Variants in TTC28 observed in about 807,000 individuals in gnomAD.
TTC28 encodes tetratricopeptide repeat domain 28.
Under a neutral mutation model 198.0 loss-of-function variants are expected in TTC28, and 61 were observed. That is an observed-to-expected ratio of 0.31 (90% confidence interval 0.25 to 0.38). The LOEUF is 0.38. TTC28 is among the 10% of genes least tolerant of loss of function. TTC28 has a pLI of 1.00. For missense variants in TTC28, 2,678 were observed against 3,164.0 expected, an observed-to-expected ratio of 0.85 and a Z score of 3.69; for synonymous variants, 1,171 against 1,297.8, an observed-to-expected ratio of 0.90 and a Z score of 2.10.
intron 2 of TTC28, among the ~76,000 whole-genome samples, chr22:28,546,337 T>G (rs564759120): frequency 6.6e-6 from 1 of 152,200 alleles, no homozygotes; most frequent in East Asian, 1.9e-4. Flanking sequence ...TCCCAGCTAC[T>G]TGGGAGGCTA....
chr22:28,355,170 C>T, intron 2 of TTC28, among the ~76,000 whole-genome samples: 1 of 152,094 alleles, frequency 6.6e-6, no homozygotes, highest in Non-Finnish European at 1.5e-5. Context: ...ATTATCCAGA[C>T]TTTACAGATA....
At chr22:28,522,572 G>C (rs1601508523) in intron 2 of TTC28, among the ~76,000 whole-genome samples, 1 of 149,818 alleles carries the variant, frequency 6.7e-6, no homozygotes, top group Admixed American at 6.7e-5. Context: ...GTAAATAATA[G>C]AACTGAAAAA....
At chr22:28,123,345 TC>T (rs1942837054) in intron 6 of TTC28, among the ~76,000 whole-genome samples, 1 of 152,064 alleles carries the variant, frequency 6.6e-6, no homozygotes, top group Admixed American at 6.6e-5. Flanking sequence ...AACCTCCGCC[TC>T]CCGGGTTCAA....
intron 2 of TTC28, among the ~76,000 whole-genome samples, chr22:28,462,490 G>A (rs1307693057): frequency 6.6e-6 from 1 of 152,110 alleles, no homozygotes; most frequent in Admixed American, 6.6e-5. Context: ...ATTGAGATTT[G>A]GGGATTGTTA....
chr22:28,437,651 G>A (rs901140488), intron 2 of TTC28, among the ~76,000 whole-genome samples: 5 of 151,924 alleles, frequency 3.3e-5, no homozygotes, highest in East Asian at 1.9e-4. Context: ...GGAGTGTAAC[G>A]GCACTATCAC....
At chr22:27,990,364 T>G (rs1440641300) in intron 20 of TTC28, among the ~76,000 whole-genome samples, 1 of 152,200 alleles carries the variant, frequency 6.6e-6, no homozygotes, top group African/African-American at 2.4e-5. Context: ...AAGTCATCTT[T>G]AGGACCTTGA....
Position 28,099,055 on chromosome 22 carries a change from G to A in TTC28, c.3418-11C>T, listed in dbSNP as rs1198053007. 3 of 1,551,832 alleles carry A rather than the reference G, an allele frequency of 1.9e-6. No individual in the cohort carries two copies. The highest frequency in any genetic ancestry group is 2.4e-5 in the East Asian group (1 of 40,918). ...TGATGCCCTATAAAGCTGCAAGGAG[G>A]GAGGAAGAACATCATCCATTCCCCA... is the stretch of plus-strand genomic sequence containing the variant. On this transcript the variant is annotated splice_polypyrimidine_tract_variant and intron_variant, in intron 9 of 22. Transcript: ENST00000397906.
intron 20 of TTC28, among the ~76,000 whole-genome samples, chr22:27,990,380 A>G (rs1329640809): frequency 2.6e-5 from 4 of 152,162 alleles, no homozygotes; most frequent in East Asian, 1.9e-4. Flanking sequence ...CTTGAGGTGG[A>G]TGGCGAAGTG....
intron 1 of TTC28, among the ~76,000 whole-genome samples, chr22:28,636,555 T>G (rs1601648381): frequency 6.6e-6 from 1 of 152,220 alleles, no homozygotes. Context: ...ACTTCAAGAT[T>G]ACTTCAAGAT....
At chr22:28,219,808 T>C (rs1174330311) in intron 5 of TTC28, among the ~76,000 whole-genome samples, 1 of 152,226 alleles carries the variant, frequency 6.6e-6, no homozygotes, top group Non-Finnish European at 1.5e-5. Flanking sequence ...AAAATGTTTG[T>C]ATTTTCTGCC....
intron 5 of TTC28, among the ~76,000 whole-genome samples, chr22:28,278,554 A>T (rs1260384964): frequency 6.6e-6 from 1 of 152,210 alleles, no homozygotes; most frequent in Non-Finnish European, 1.5e-5. Context: ...GGATAAAATG[A>T]GAGGGTTAGC....
intron 2 of TTC28, among the ~76,000 whole-genome samples, chr22:28,417,001 T>A (rs746179671): frequency 2.6e-5 from 4 of 152,210 alleles, no homozygotes; most frequent in South Asian, 2.1e-4. Flanking sequence ...AGCACAGTTA[T>A]TTTTTCCCAA....
chr22:28,534,854 T>C (rs1474019557), intron 2 of TTC28, among the ~76,000 whole-genome samples: 5 of 151,978 alleles, frequency 3.3e-5, no homozygotes, highest in Non-Finnish European at 2.9e-5. Flanking sequence ...TAGGTGGGAA[T>C]TGAACAATGA....
chr22:28,321,819 G>A (rs1293292817), intron 2 of TTC28, among the ~76,000 whole-genome samples: 2 of 152,084 alleles, frequency 1.3e-5, no homozygotes, highest in South Asian at 2.1e-4. Flanking sequence ...TAGGTATCAC[G>A]TTTGGGCCTT....
rs555715140 is a variant in TTC28, at chr22:28,293,055, T to C, written c.933+3143A>G. On this transcript the variant is annotated intron_variant, in intron 5 of 22. Transcript: ENST00000397906. Reference sequence around the variant, plus strand: ...CCAATATTAACTCCAGTCTTGACAATTGGTGTCTGGTTTCAGGAATACAGG... The same window carrying C: ...CCAATATTAACTCCAGTCTTGACAACTGGTGTCTGGTTTCAGGAATACAGG... Among the ~76,000 whole-genome samples, 6 of 152,302 alleles carry C rather than the reference T, an allele frequency of 3.9e-5. No homozygotes were observed. The South Asian group carries it at 6.2e-4, about 16-fold the overall frequency.
intron 2 of TTC28, among the ~76,000 whole-genome samples, chr22:28,580,531 T>A (rs2050219819): frequency 6.6e-6 from 1 of 152,178 alleles, no homozygotes; most frequent in African/African-American, 2.4e-5. Context: ...AGCCACCACA[T>A]CTGGCCAACT....
intron 5 of TTC28, among the ~76,000 whole-genome samples, chr22:28,166,562 C>T (rs537850900): frequency 6.6e-6 from 1 of 152,300 alleles, no homozygotes; most frequent in Non-Finnish European, 1.5e-5. Flanking sequence ...CAACCTGCTC[C>T]TGAATGACTA....
chr22:28,559,035 C>G (rs80066013), intron 2 of TTC28, among the ~76,000 whole-genome samples: 1 of 134,702 alleles, frequency 7.4e-6, no homozygotes, highest in Non-Finnish European at 1.6e-5. Context: ...GACTCCATCT[C>G]AAAAAAAAAA....
chr22:28,640,073 G>C (rs939111317), intron 1 of TTC28, among the ~76,000 whole-genome samples: 8 of 152,024 alleles, frequency 5.3e-5, no homozygotes, highest in African/African-American at 1.7e-4. Context: ...TTTGGAGGCC[G>C]ATGTGGGTAG....
Sources: allele counts gnomAD v4.1 joint callset (sites outside exome capture counted in the v4.1 genomes callset), GRCh38; gene constraint gnomAD v4.1.1; transcripts MANE v1.5; gene names NCBI Gene and HGNC (gene_info 2026-07-23, HGNC 2026-07-21).